The following APBB2 variants were observed in gnomAD, a reference collection of about 807,000 sequenced individuals.
APBB2 encodes Fe65-like 1.
In APBB2, 38 loss-of-function variants were observed where a neutral mutation model predicts 82.5. The ratio of observed to expected loss-of-function variants is 0.46; its 90% CI spans 0.36 to 0.60. APBB2 has a LOEUF of 0.60. Ranked by LOEUF, APBB2 falls within the 20% of genes least tolerant of loss-of-function variation. The pLI, the probability that APBB2 is intolerant of heterozygous loss-of-function variation, is 0.00. For synonymous variants in APBB2, 341 were observed against 368.2 expected, an observed-to-expected ratio of 0.93 and a Z score of 0.85; for missense variants, 772 against 972.3, an observed-to-expected ratio of 0.79 and a Z score of 2.74.
intron 6 of APBB2, among the ~76,000 whole-genome samples, chr4:40,973,304 G>A (rs1181538988): frequency 2.0e-5 from 3 of 152,156 alleles, no homozygotes; most frequent in East Asian, 1.9e-4. Context: ...AGTTAGCCTG[G>A]ACTAGTCAGG....
At chr4:40,887,735 A>G (rs1770734276) in intron 12 of APBB2, among the ~76,000 whole-genome samples, 1 of 152,158 alleles carries the variant, frequency 6.6e-6, no homozygotes, top group Non-Finnish European at 1.5e-5. Flanking sequence ...GATCTTGCTG[A>G]GGTCCTGCTA....
At chr4:40,819,189 C>CTT (rs1228766862) in intron 17 of APBB2, among the ~76,000 whole-genome samples, 3 of 65,478 alleles carry the variant, frequency 4.6e-5, no homozygotes, top group Non-Finnish European at 8.7e-5. Flanking sequence ...TTTTTTTTTT[C>CTT]TTTTTTTTTT....
chr4:40,960,548 C>A (rs112852342), intron 6 of APBB2, among the ~76,000 whole-genome samples: 1 of 148,186 alleles, frequency 6.7e-6, no homozygotes, highest in African/African-American at 2.5e-5. Context: ...CCCGAGTTCA[C>A]GCCATTCTCC....
At chr4:40,819,768 T>C (rs1431508830) in intron 17 of APBB2, among the ~76,000 whole-genome samples, 1 of 152,176 alleles carries the variant, frequency 6.6e-6, no homozygotes, top group Non-Finnish European at 1.5e-5. Flanking sequence ...TCCACTTCTT[T>C]TTCTTCCCAG....
intron 10 of APBB2, among the ~76,000 whole-genome samples, chr4:40,932,845 T>A (rs1409782695): frequency 6.6e-6 from 1 of 152,086 alleles, no homozygotes; most frequent in Non-Finnish European, 1.5e-5. Context: ...GTATGCTTTC[T>A]CTTGGCTTGT....
At chr4:40,870,855 C>A (rs970854101) in intron 12 of APBB2, among the ~76,000 whole-genome samples, 11 of 151,832 alleles carry the variant, frequency 7.2e-5, no homozygotes, top group African/African-American at 1.9e-4. Context: ...GCCTCAGCCT[C>A]CCGAGTAGCT....
intron 12 of APBB2, among the ~76,000 whole-genome samples, chr4:40,883,697 A>C (rs1433540930): frequency 1.5e-5 from 2 of 132,962 alleles, no homozygotes; most frequent in Non-Finnish European, 3.2e-5. Flanking sequence ...CTAGGAAGGG[A>C]GATAGAGACT....
chr4:41,062,770 T>A (rs1255883305), intron 4 of APBB2, among the ~76,000 whole-genome samples: 3 of 152,172 alleles, frequency 2.0e-5, no homozygotes, highest in Admixed American at 6.5e-5. Context: ...CAGCAATCTC[T>A]ACGCTGAGCA....
intron 7 of APBB2, chr4:40,935,691 G>A (rs966905636): frequency 6.6e-6 from 1 of 151,596 alleles, no homozygotes; most frequent in African/African-American, 2.4e-5. Flanking sequence ...AACACTTGGC[G>A]GAAATTTAAC....
intron 2 of APBB2, chr4:41,137,968 A>C (rs58585781): frequency 0.14 from 20,623 of 152,126 alleles, 1,559 homozygotes; most frequent in Non-Finnish European, 0.17. Flanking sequence ...GGAGATCAAG[A>C]CCATCCTAGC....
At chr4:41,162,931 T>C (rs1765559912) in intron 1 of APBB2, among the ~76,000 whole-genome samples, 2 of 152,170 alleles carry the variant, frequency 1.3e-5, no homozygotes, top group Non-Finnish European at 2.9e-5. Context: ...AAGGGCAAGG[T>C]GTGTGGAATA....
chr4:41,131,682 T>C (rs972673472), intron 2 of APBB2, among the ~76,000 whole-genome samples: 1 of 152,184 alleles, frequency 6.6e-6, no homozygotes, highest in African/African-American at 2.4e-5. Flanking sequence ...CAAACCATTT[T>C]AGGAAAATAC....
intron 1 of APBB2, among the ~76,000 whole-genome samples, chr4:41,158,856 C>T (rs1391843569): frequency 1.3e-5 from 2 of 152,162 alleles, no homozygotes; most frequent in African/African-American, 4.8e-5. Flanking sequence ...GGTTACTATA[C>T]AAATGAGGAA....
In APBB2 at chr4:40,934,714, A is replaced by C; in HGVS notation, c.1108-15T>G. On this transcript the variant is annotated splice_polypyrimidine_tract_variant and intron_variant, in intron 8 of 17. Transcript: ENST00000508593. ...GCATGCAAATCCTAGAGGAAAATAG[A>C]ACCTTGTTAATGTACAATGGGGGAG... 6.3e-7 allele frequency: 1 copy of C among 1,586,216 alleles called. No individual in the cohort carries two copies. The highest frequency in any genetic ancestry group is 8.7e-7 in the Non-Finnish European group (1 of 1,155,210).
intron 6 of APBB2, among the ~76,000 whole-genome samples, chr4:40,958,353 G>A (rs1220760873): frequency 6.6e-6 from 1 of 152,092 alleles, no homozygotes; most frequent in Non-Finnish European, 1.5e-5. Context: ...GAGAACCTCA[G>A]GCTTAAGGGT....
In APBB2 at chr4:40,864,533, C is replaced by T. The variant is rs2465549; in HGVS notation, c.1529+25831G>A. On this transcript the variant is annotated intron_variant, in intron 12 of 17. Coordinates refer to ENST00000508593, the MANE Select transcript of APBB2 (RefSeq NM_004307.2). ...ATGGCCTGGAGTCTTCCTGTTCTGC[C>T]CTGTAAAATGCAAAGGCTATTTATA... 5.4e-3 allele frequency among the ~76,000 whole-genome samples: 827 copies of T among 152,256 alleles called. 7 individuals carry two copies. Among genetic ancestry groups the T allele is most frequent in the African/African-American group, 0.019 (786 of 41,534 alleles).
At chr4:41,106,203 A>C (rs1747174091) in intron 2 of APBB2, among the ~76,000 whole-genome samples, 1 of 152,186 alleles carries the variant, frequency 6.6e-6, no homozygotes, top group African/African-American at 2.4e-5. Flanking sequence ...AACACACAGA[A>C]ACTATATTCT....
chr4:40,843,689 C>T (rs1756654425), intron 12 of APBB2, among the ~76,000 whole-genome samples: 2 of 152,234 alleles, frequency 1.3e-5, no homozygotes. Flanking sequence ...TGCCCCAGGG[C>T]AGTTAACAGG....
intron 3 of APBB2, among the ~76,000 whole-genome samples, chr4:41,093,807 T>C (rs1348597194): frequency 1.3e-5 from 2 of 151,948 alleles, no homozygotes; most frequent in African/African-American, 4.8e-5. Context: ...TGAGCCAAGA[T>C]TGTGCCATTG....
Sources: allele counts gnomAD v4.1 joint callset (sites outside exome capture counted in the v4.1 genomes callset), GRCh38; gene constraint gnomAD v4.1.1; transcripts MANE v1.5; gene names NCBI Gene and HGNC (gene_info 2026-07-23, HGNC 2026-07-21).